CSMD3: variants seen among roughly 807,000 people sequenced by gnomAD.
The protein encoded by CSMD3 is CUB and Sushi multiple domains 3, also known as CUB and sushi domain-containing protein 3.
CSMD3 carries 177 observed loss-of-function variants against 435.2 expected under a neutral mutation model. The observed-to-expected ratio is 0.41, with a 90% CI of 0.36 to 0.46. CSMD3 has a LOEUF of 0.46. Ranked by LOEUF, CSMD3 falls within the 20% of genes least tolerant of loss-of-function variation. The pLI, the probability that CSMD3 is intolerant of heterozygous loss-of-function variation, is 0.34. For missense variants in CSMD3, 4,265 were observed against 4,504.6 expected, an observed-to-expected ratio of 0.95 and a Z score of 1.52; for synonymous variants, 1,656 against 1,520.5, an observed-to-expected ratio of 1.09 and a Z score of -2.07.
intron 70 of CSMD3, among the ~76,000 whole-genome samples, chr8:112,227,259 C>T (rs1296688909): frequency 2.0e-5 from 3 of 152,144 alleles, no homozygotes; most frequent in Non-Finnish European, 4.4e-5. Flanking sequence ...CTGATGCATG[C>T]TATAACATGG....
At chr8:113,169,179 A>G (rs2131868198) in intron 4 of CSMD3, among the ~76,000 whole-genome samples, 1 of 152,214 alleles carries the variant, frequency 6.6e-6, no homozygotes, top group Non-Finnish European at 1.5e-5. Context: ...TGCTGTTCTT[A>G]TTTCATCAGT....
Position 112,346,203 on chromosome 8 carries a change from AC to A in CSMD3, c.6335del (p.Gly2112ValfsTer10). The stretch of plus-strand genomic sequence containing the variant: ...CACCACTGAAGTCTGACATAGCACC[AC>A]CACACTGAGCTGCAAAATAACAGAA... Reference protein sequence around the residue: ...YPIPICLAQCGGAMSDFSGVI... With the variant: ...YPIPICLAQCXGAMSDFSGVI... On this transcript the variant is annotated frameshift_variant, in exon 41 of 71. Coordinates refer to ENST00000297405, the MANE Select transcript of CSMD3 (RefSeq NM_198123.2). LOFTEE classifies it high-confidence loss of function. The A allele has an allele frequency of 6.2e-7, 1 of 1,603,982 alleles. No homozygotes were observed. The highest frequency in any genetic ancestry group is 8.5e-7 in the Non-Finnish European group (1 of 1,170,728).
chr8:112,601,359 A>G (rs1253253847), intron 22 of CSMD3, among the ~76,000 whole-genome samples: 10 of 152,132 alleles, frequency 6.6e-5, no homozygotes, highest in Non-Finnish European at 1.3e-4. Flanking sequence ...CCAAGATCAC[A>G]TAATGGGTGA....
At chr8:112,505,549 G>T (rs1407701394) in intron 29 of CSMD3, among the ~76,000 whole-genome samples, 1 of 152,020 alleles carries the variant, frequency 6.6e-6, no homozygotes, top group Non-Finnish European at 1.5e-5. Context: ...ATTTAACAAT[G>T]GAACACAGTA....
At chr8:112,418,026 A>G (rs1812098844) in intron 32 of CSMD3, among the ~76,000 whole-genome samples, 1 of 152,174 alleles carries the variant, frequency 6.6e-6, no homozygotes, top group African/African-American at 2.4e-5. Flanking sequence ...TTTGTTAAAA[A>G]TTGTATCACC....
At chr8:113,282,346 G>A (rs1170887385) in intron 2 of CSMD3, among the ~76,000 whole-genome samples, 1 of 151,920 alleles carries the variant, frequency 6.6e-6, no homozygotes, top group Admixed American at 6.6e-5. Flanking sequence ...CCTCCAGAAA[G>A]CTCCTGGAAC....
In CSMD3 at chr8:113,264,004, CTTTAT is replaced by C. The variant is rs1174253352; in HGVS notation, c.514+14583_514+14587del. Reference sequence around the variant, plus strand: ...TGCAGTATTTGATTTGTACATTTTACTTTATTTTTTCTGATACTTAAAATGATATA... The same window carrying C: ...TGCAGTATTTGATTTGTACATTTTACTTTTTCTGATACTTAAAATGATATA... On this transcript the variant is annotated intron_variant, in intron 3 of 70. Coordinates refer to ENST00000297405, the MANE Select transcript of CSMD3 (RefSeq NM_198123.2). Among the ~76,000 whole-genome samples, 5 of 151,222 alleles carry C rather than the reference CTTTAT, an allele frequency of 3.3e-5. No individual in the cohort carries two copies. The South Asian group carries it at 8.3e-4, about 25-fold the overall frequency.
intron 13 of CSMD3, among the ~76,000 whole-genome samples, chr8:112,733,282 C>G (rs893152448): frequency 6.6e-6 from 1 of 152,034 alleles, no homozygotes; most frequent in Admixed American, 6.6e-5. Context: ...CATATTGACA[C>G]ATACTTTATT....
At chr8:112,573,408 A>G (rs7014796) in intron 24 of CSMD3, 93 bp downstream of exon 24, 473,942 of 1,058,250 alleles carry the variant, frequency 0.45, 109,053 homozygotes, top group East Asian at 0.57. Context: ...TAATAATCAA[A>G]TATTGGATAT....
chr8:112,332,114 A>G (rs1824123475), intron 45 of CSMD3, among the ~76,000 whole-genome samples: 1 of 152,182 alleles, frequency 6.6e-6, no homozygotes, highest in African/African-American at 2.4e-5. Context: ...CTAAAATACA[A>G]TCAGTCAATA....
intron 22 of CSMD3, among the ~76,000 whole-genome samples, chr8:112,597,604 T>C (rs1162100714): frequency 1.7e-5 from 2 of 118,452 alleles, no homozygotes; most frequent in Non-Finnish European, 3.5e-5. Flanking sequence ...TGAACATTGA[T>C]GCAAAAATCC....
chr8:112,714,313 T>A (rs1188484242), intron 13 of CSMD3, among the ~76,000 whole-genome samples: 5 of 144,578 alleles, frequency 3.5e-5, no homozygotes, highest in Non-Finnish European at 6.2e-5. Context: ...CCATCAAAGA[T>A]CAAAAAAGAC....
chr8:113,317,363 C>A (rs985042690), intron 1 of CSMD3, among the ~76,000 whole-genome samples: 1 of 152,064 alleles, frequency 6.6e-6, no homozygotes, highest in African/African-American at 2.4e-5. Flanking sequence ...GATCTACGGG[C>A]TGTTTTATAT....
At chr8:112,977,312 G>A (rs1425103196) in intron 6 of CSMD3, among the ~76,000 whole-genome samples, 1 of 151,978 alleles carries the variant, frequency 6.6e-6, no homozygotes, top group Non-Finnish European at 1.5e-5. Context: ...TAAAGCCCCT[G>A]AGTGGTATAT....
rs1224113429 is a variant in CSMD3 at position 113,328,730 on chromosome 8, CTTTT to C, written c.179-13941_179-13938del. On this transcript the variant is annotated intron_variant, in intron 1 of 70. Coordinates refer to ENST00000297405, the MANE Select transcript of CSMD3 (RefSeq NM_198123.2). ...TCTTTCTTTCTTTCTTTCCTTCCTT[CTTTT>C]CTTTTTTTTTTTTTTTTTTTTTTTT... 9.4e-5 allele frequency among the ~76,000 whole-genome samples: 6 copies of C among 64,034 alleles called. No individual in the cohort carries two copies. In the East Asian group the frequency reaches 6.9e-3, roughly 74 times the overall value. 42.0% of individuals were successfully genotyped at this position (64,034 alleles called of 152,430 possible).
At chr8:113,278,870 A>C (rs1166503495) in intron 2 of CSMD3, among the ~76,000 whole-genome samples, 166 bp from the exon 3 acceptor site, 1 of 151,804 alleles carries the variant, frequency 6.6e-6, no homozygotes, top group African/African-American at 2.4e-5. Context: ...AGTTAAACTC[A>C]TTTTGGACTT....
intron 3 of CSMD3, among the ~76,000 whole-genome samples, chr8:113,253,575 C>T (rs1487418707): frequency 1.3e-5 from 2 of 151,936 alleles, no homozygotes; most frequent in Non-Finnish European, 2.9e-5. Context: ...GGCGTGGTGG[C>T]TCACGCTTGT....
At chr8:112,248,863 A>G (rs1008907466) in intron 63 of CSMD3, among the ~76,000 whole-genome samples, 10 of 152,042 alleles carry the variant, frequency 6.6e-5, no homozygotes, top group Non-Finnish European at 1.2e-4. Flanking sequence ...CTTTGCCTCT[A>G]GAAGATCTCT....
At chr8:112,691,715 C>T (rs2076141279) in intron 13 of CSMD3, among the ~76,000 whole-genome samples, 1 of 151,996 alleles carries the variant, frequency 6.6e-6, no homozygotes, top group African/African-American at 2.4e-5. Flanking sequence ...TTTCTTTCTT[C>T]ATATTTACAA....
Sources: allele counts gnomAD v4.1 joint callset (sites outside exome capture counted in the v4.1 genomes callset), GRCh38; gene constraint gnomAD v4.1.1; transcripts MANE v1.5; gene names NCBI Gene and HGNC (gene_info 2026-07-23, HGNC 2026-07-21).